JAM3: variants seen among roughly 807,000 people sequenced by gnomAD.
JAM3 encodes the protein junctional adhesion molecule C.
Under a neutral mutation model 39.4 loss-of-function variants are expected in JAM3, and 31 were observed. That is an observed-to-expected ratio of 0.79 (90% confidence interval 0.59 to 1.06). The LOEUF (loss-of-function observed/expected upper bound fraction) is 1.06. Ranked by LOEUF, JAM3 falls within the 50% of genes least tolerant of loss-of-function variation. JAM3 has a pLI of 0.00. For missense variants in JAM3, 455 were observed against 391.4 expected, an observed-to-expected ratio of 1.16 and a Z score of -1.37; for synonymous variants, 182 against 148.7, an observed-to-expected ratio of 1.22 and a Z score of -1.63.
chr11:134,096,124 G>C (rs141849752), intron 1 of JAM3, among the ~76,000 whole-genome samples: 1 of 152,034 alleles, frequency 6.6e-6, no homozygotes, highest in East Asian at 1.9e-4. Flanking sequence ...TGACAGGTGC[G>C]CGCCACTACA....
intron 1 of JAM3, among the ~76,000 whole-genome samples, chr11:134,123,209 AT>A (rs1431282919): frequency 3.4e-5 from 5 of 148,822 alleles, no homozygotes; most frequent in African/African-American, 1.0e-4. Flanking sequence ...GCTTTTATTT[AT>A]TTAGTTATTT....
chr11:134,148,501 A>G, intron 6 of JAM3, 46 bp from the exon 7 acceptor site: 1 of 1,613,718 alleles, frequency 6.2e-7, no homozygotes, highest in South Asian at 1.1e-5. Context: ...TTTTTAAATA[A>G]CAGATAGTGT....
chr11:134,136,131 A>G (rs983044182), intron 1 of JAM3, among the ~76,000 whole-genome samples: 3 of 75,796 alleles, frequency 4.0e-5, no homozygotes, highest in Admixed American at 1.1e-4. Flanking sequence ...AGTATGATGG[A>G]CAGGCCAAAA....
At chr11:134,069,832 C>G (rs1941460209) in intron 1 of JAM3, among the ~76,000 whole-genome samples, 1 of 152,162 alleles carries the variant, frequency 6.6e-6, no homozygotes, top group South Asian at 2.1e-4. Flanking sequence ...TCATTTGACT[C>G]GACACAAAGG....
chr11:134,098,241 T>G (rs956929776), intron 1 of JAM3, among the ~76,000 whole-genome samples: 1 of 152,184 alleles, frequency 6.6e-6, no homozygotes, highest in Non-Finnish European at 1.5e-5. Flanking sequence ...AGTTTACAAA[T>G]GGACTGCTTT....
chr11:134,103,259 A>G (rs890762376), intron 1 of JAM3, among the ~76,000 whole-genome samples: 1 of 152,144 alleles, frequency 6.6e-6, no homozygotes, highest in Non-Finnish European at 1.5e-5. Flanking sequence ...ATCCAGCCAA[A>G]CTAAGCTTCA....
chr11:134,070,585 G>A (rs1412886002), intron 1 of JAM3, among the ~76,000 whole-genome samples: 1 of 152,212 alleles, frequency 6.6e-6, no homozygotes, highest in Non-Finnish European at 1.5e-5. Flanking sequence ...AGTGATCAAA[G>A]GCTAGCCAGG....
Position 134,069,158 on chromosome 11 carries a change from G to C in JAM3, c.75G>C (p.Arg25Ser), listed in dbSNP as rs1488811195. The change falls in exon 1 of 9, where the codon AGG becomes AGC. Residue 25 changes from arginine to serine, a missense_variant and splice_region_variant. Coordinates refer to ENST00000299106, the MANE Select transcript of JAM3 (RefSeq NM_032801.5). ...ACTTCTTCCTGCTGCTGCTTTTCAG[G>C]GGTGAGTTTGCGCGTTTCCGCTGTT... Reference protein sequence around the residue: ...LPDFFLLLLFRGCLIGAVNLK... With the variant: ...LPDFFLLLLFSGCLIGAVNLK... 8 of 1,612,802 alleles carry C rather than the reference G, an allele frequency of 5.0e-6. No individual in the cohort carries two copies. The highest frequency in any genetic ancestry group is 6.8e-6 in the Non-Finnish European group (8 of 1,179,346).
chr11:134,145,022 G>T, intron 5 of JAM3, 28 bp downstream of exon 5: 1 of 1,551,598 alleles, frequency 6.4e-7, no homozygotes, highest in East Asian at 2.2e-5. Context: ...AGGTGAGGAT[G>T]GAGATGTCTT....
In JAM3 at chr11:134,069,413, C is replaced by T. The variant is rs187648774; in HGVS notation, c.76+254C>T. On this transcript the variant is annotated intron_variant, in intron 1 of 8. Coordinates refer to ENST00000299106, the MANE Select transcript of JAM3 (RefSeq NM_032801.5). The stretch of plus-strand genomic sequence containing the variant: ...GGGGAGCTAATTTGGGATGGGGGGC[C>T]CGTCCCAGGCAGTGAGTCGGTCCCG... Among the ~76,000 whole-genome samples, 994 of 152,256 alleles carry T rather than the reference C, an allele frequency of 6.5e-3. 15 individuals are homozygous for T. Among genetic ancestry groups the T allele is most frequent in the African/African-American group, 0.023 (943 of 41,566 alleles).
intron 6 of JAM3, 117 bp from the exon 7 acceptor site, chr11:134,148,430 T>C: frequency 1.5e-6 from 2 of 1,314,596 alleles, no homozygotes; most frequent in South Asian, 1.2e-5. Flanking sequence ...GGGGTAGGCC[T>C]GAGGGGGCAG....
chr11:134,149,820 G>A lies in JAM3; in HGVS notation c.*639G>A, dbSNP rs1012032146. 1.1e-5 allele frequency: 4 copies of A among 361,266 alleles called. No homozygotes were observed. The highest frequency in any genetic ancestry group is 2.2e-5 in the Non-Finnish European group (4 of 181,026). 22.4% of individuals were successfully genotyped at this position (361,266 alleles called of 1,614,324 possible). On this transcript the variant is annotated 3_prime_UTR_variant, in exon 9 of 9. Coordinates refer to ENST00000299106, the MANE Select transcript of JAM3 (RefSeq NM_032801.5). Reference sequence around the variant, plus strand: ...GGATCTTGCCTGAGGAACCCTGCTTGTCCAACAGGGTGTCAGGATTTAAGG... The same window carrying A: ...GGATCTTGCCTGAGGAACCCTGCTTATCCAACAGGGTGTCAGGATTTAAGG...
chr11:134,078,283 C>A (rs373013102), intron 1 of JAM3, among the ~76,000 whole-genome samples: 226 of 152,176 alleles, frequency 1.5e-3, no homozygotes, highest in African/African-American at 5.1e-3. Flanking sequence ...CCACACCCGG[C>A]TAATTTTTGT....
Position 134,150,606 on chromosome 11 carries a change from T to G in JAM3, c.*1425T>G, listed in dbSNP as rs189196329. 1.3e-5 allele frequency: 2 copies of G among 152,294 alleles called. No individual in the cohort carries two copies. The highest frequency in any genetic ancestry group is 6.5e-5 in the Admixed American group (1 of 15,302). 9.4% of individuals were successfully genotyped at this position (152,294 alleles called of 1,614,324 possible). ...CTCCTGTAACAGACCTCTTTTTGGT[T>G]ATGGATGGCTCACAAAATAGGGCCC... On this transcript the variant is annotated 3_prime_UTR_variant, in exon 9 of 9. Coordinates refer to ENST00000299106, the MANE Select transcript of JAM3 (RefSeq NM_032801.5).
chr11:134,100,762 CAGAA>C (rs1450369601), intron 1 of JAM3, among the ~76,000 whole-genome samples: 2 of 152,196 alleles, frequency 1.3e-5, no homozygotes, highest in African/African-American at 4.8e-5. Context: ...GATGAGAAAA[CAGAA>C]AGATTGGTGA....
chr11:134,097,306 A>T (rs1942001327), intron 1 of JAM3, among the ~76,000 whole-genome samples: 1 of 152,172 alleles, frequency 6.6e-6, no homozygotes, highest in Non-Finnish European at 1.5e-5. Flanking sequence ...TTTTGGAAAC[A>T]GTGTTTAGTG....
chr11:134,110,008 G>A (rs905128602), intron 1 of JAM3, among the ~76,000 whole-genome samples: 1 of 152,188 alleles, frequency 6.6e-6, no homozygotes, highest in Non-Finnish European at 1.5e-5. Context: ...AAATGGCAGA[G>A]TTGAGTAACT....
chr11:134,118,220 T>A (rs1942472750), intron 1 of JAM3, among the ~76,000 whole-genome samples: 2 of 152,178 alleles, frequency 1.3e-5, no homozygotes, highest in Admixed American at 6.5e-5. Flanking sequence ...CTAAGATGGG[T>A]CTCATGGCAA....
chr11:134,070,631 G>A (rs1941470767), intron 1 of JAM3, among the ~76,000 whole-genome samples: 1 of 152,220 alleles, frequency 6.6e-6, no homozygotes, highest in Admixed American at 6.5e-5. Context: ...CACCCGCTGT[G>A]TTGGTCACAC....
Sources: allele counts gnomAD v4.1 joint callset (sites outside exome capture counted in the v4.1 genomes callset), GRCh38; gene constraint gnomAD v4.1.1; transcripts MANE v1.5; gene names NCBI Gene and HGNC (gene_info 2026-07-23, HGNC 2026-07-21).